The following ARHGAP22 variants were observed in gnomAD, a reference collection of about 807,000 sequenced individuals.
The protein encoded by ARHGAP22 is rho GTPase-activating protein 22.
A neutral mutation model predicts 59.1 loss-of-function variants in ARHGAP22; 48 were observed. That is an observed-to-expected ratio of 0.81 (90% CI 0.64 to 1.03). ARHGAP22 has a LOEUF of 1.03. Among genes scored for constraint, ARHGAP22 ranks in the 50% least tolerant of loss-of-function variants. The pLI is 0.00. For synonymous variants in ARHGAP22, 445 were observed against 416.4 expected, an observed-to-expected ratio of 1.07 and a Z score of -0.84; for missense variants, 1,015 against 958.7, an observed-to-expected ratio of 1.06 and a Z score of -0.78.
Position 48,641,342 on chromosome 10 carries a change from A to G in ARHGAP22, c.52+10892T>C, listed in dbSNP as rs2062036606. Among the ~76,000 whole-genome samples, 3 of 152,194 alleles carry G rather than the reference A, an allele frequency of 2.0e-5. No homozygotes were observed. In the South Asian group the frequency reaches 6.2e-4, roughly 31 times the overall value. The stretch of plus-strand genomic sequence containing the variant: ...GATCCATTAGTATGCTGTCTAAAAG[A>G]GACACATTACAGATTCAAAGACACA... On this transcript the variant is annotated intron_variant, in intron 1 of 9. Coordinates refer to the ARHGAP22 transcript ENST00000435790.
intron 3 of ARHGAP22, among the ~76,000 whole-genome samples, chr10:48,549,490 G>A (rs1410998632): frequency 6.6e-6 from 1 of 152,192 alleles, no homozygotes; most frequent in East Asian, 1.9e-4. Context: ...CATTGCTGGG[G>A]GCAGGGTGAC....
At chr10:48,452,020 A>G (rs911155099) in intron 8 of ARHGAP22, among the ~76,000 whole-genome samples, 1 of 151,568 alleles carries the variant, frequency 6.6e-6, no homozygotes, top group African/African-American at 2.4e-5. Flanking sequence ...CCCATACACA[A>G]CTGCACACAT....
At chr10:48,458,425 G>A (rs1332782167) in intron 5 of ARHGAP22, among the ~76,000 whole-genome samples, 1 of 152,086 alleles carries the variant, frequency 6.6e-6, no homozygotes, top group Non-Finnish European at 1.5e-5. Flanking sequence ...CCTTGGGAGA[G>A]CAGGTGTGCC....
chr10:48,446,660 C>A, intron 9 of ARHGAP22, 41 bp from the exon 10 acceptor site: 1 of 1,570,230 alleles, frequency 6.4e-7, no homozygotes, highest in Non-Finnish European at 8.7e-7. Flanking sequence ...ACTCTGCGGG[C>A]CAGGTTCACT....
upstream of ARHGAP22, among the ~76,000 whole-genome samples, chr10:48,654,770 A>ATTTCTTTCTTTC (rs1345811939): frequency 1.7e-4 from 23 of 138,410 alleles, no homozygotes; most frequent in South Asian, 1.2e-3. Context: ...GGACATGCTG[A>ATTTCTTTCTTTC]TTACTTTCTT....
intron 2 of ARHGAP22, among the ~76,000 whole-genome samples, chr10:48,569,701 C>T (rs2058278024): frequency 6.6e-6 from 1 of 152,172 alleles, no homozygotes; most frequent in African/African-American, 2.4e-5. Context: ...TTAGCAGATC[C>T]TGAGAGAAGC....
chr10:48,454,795 C>T (rs2046328033), intron 6 of ARHGAP22, among the ~76,000 whole-genome samples: 1 of 152,114 alleles, frequency 6.6e-6, no homozygotes, highest in Admixed American at 6.5e-5. Context: ...CAGGATTCCC[C>T]AGCCCTCCCC....
intron 4 of ARHGAP22, among the ~76,000 whole-genome samples, chr10:48,465,501 A>C (rs1045405404): frequency 6.6e-6 from 1 of 152,194 alleles, no homozygotes; most frequent in Admixed American, 6.5e-5. Context: ...CGACCACACC[A>C]GGCACCCAGG....
At chr10:48,439,653 C>G in the ARHGAP22 span, among the ~76,000 whole-genome samples, 1 of 152,170 alleles carries the variant, frequency 6.6e-6, no homozygotes, top group African/African-American at 2.4e-5. Flanking sequence ...ATCGTGACCA[C>G]TTGGCAAAAA....
chr10:48,517,954 G>T (rs1003022953), intron 3 of ARHGAP22, among the ~76,000 whole-genome samples: 1 of 152,196 alleles, frequency 6.6e-6, no homozygotes, highest in Non-Finnish European at 1.5e-5. Flanking sequence ...AGGCCTGCGT[G>T]CCTATCCCCA....
At chr10:48,463,601 C>G (rs905171076) in intron 4 of ARHGAP22, among the ~76,000 whole-genome samples, 1 of 152,196 alleles carries the variant, frequency 6.6e-6, no homozygotes, top group African/African-American at 2.4e-5. Flanking sequence ...GGGCCTTCTC[C>G]CTGGGTAGCG....
At chr10:48,575,172 G>A (rs1038370645) in intron 2 of ARHGAP22, 1 of 152,142 alleles carries the variant, frequency 6.6e-6, no homozygotes, top group African/African-American at 2.4e-5. Flanking sequence ...ATGATTCTAA[G>A]TTTCCTGAGG....
intron 1 of ARHGAP22, among the ~76,000 whole-genome samples, chr10:48,589,240 A>G (rs1166319590): frequency 6.6e-6 from 1 of 152,090 alleles, no homozygotes; most frequent in Non-Finnish European, 1.5e-5. Context: ...CTCAGACACT[A>G]TTAATCACCC....
intron 3 of ARHGAP22, among the ~76,000 whole-genome samples, chr10:48,542,064 C>T (rs551077669): frequency 4.6e-5 from 7 of 152,284 alleles, no homozygotes; most frequent in Admixed American, 3.3e-4. Context: ...GCATGCCCAG[C>T]CCTTGGAGAA....
chr10:48,575,803 T>C (rs1270898957), intron 2 of ARHGAP22: 1 of 152,240 alleles, frequency 6.6e-6, no homozygotes, highest in Non-Finnish European at 1.5e-5. Context: ...ACCTGCCATG[T>C]TCCCTCCCCT....
chr10:48,591,728 G>C (rs188979026), intron 1 of ARHGAP22, among the ~76,000 whole-genome samples: 1 of 152,094 alleles, frequency 6.6e-6, no homozygotes, highest in African/African-American at 2.4e-5. Context: ...ACAAAAATTT[G>C]CTGGGCATGG....
At chr10:48,630,895 T>C (rs74497450) in intron 1 of ARHGAP22, among the ~76,000 whole-genome samples, 1 of 152,260 alleles carries the variant, frequency 6.6e-6, no homozygotes, top group East Asian at 1.9e-4. Context: ...CACAATTAAG[T>C]ATACATTTTG....
intron 4 of ARHGAP22, among the ~76,000 whole-genome samples, chr10:48,464,049 A>C (rs1351802897): frequency 2.6e-5 from 4 of 152,104 alleles, no homozygotes; most frequent in African/African-American, 4.8e-5. Flanking sequence ...TCCTACCCCC[A>C]AAACTCCTGC....
intron 2 of ARHGAP22, among the ~76,000 whole-genome samples, chr10:48,572,204 T>C (rs112404439): frequency 6.6e-5 from 10 of 152,098 alleles, no homozygotes; most frequent in African/African-American, 2.4e-4. Context: ...AACACTTAAG[T>C]CATACACCTG....
Sources: gnomAD v4.1 joint callset for allele counts (sites outside exome capture counted in the v4.1 genomes callset) on GRCh38, gnomAD v4.1.1 for gene constraint, MANE v1.5 for transcripts, NCBI Gene and HGNC (gene_info 2026-07-23, HGNC 2026-07-21) for gene names.